PASD1: variants seen among roughly 807,000 people sequenced by gnomAD.
The protein encoded by PASD1 is PAS domain containing repressor 1.
A neutral mutation model predicts 58.8 loss-of-function variants in PASD1; 13 were observed. The ratio of observed to expected loss-of-function variants is 0.22; its 90% CI spans 0.14 to 0.35. The LOEUF (loss-of-function observed/expected upper bound fraction) is 0.35, where lower values mean the gene tolerates loss of function less well. Ranked by LOEUF, PASD1 falls within the 10% of genes least tolerant of loss-of-function variation. The pLI, the probability that PASD1 is intolerant of heterozygous loss-of-function variation, is 1.00. For synonymous variants in PASD1, 236 were observed against 216.7 expected (o/e 1.09, Z -0.78); for missense variants, 734 against 568.3 (o/e 1.29, Z -2.96).
chrX:151,625,051 C>A (rs1302415351), intron 7 of PASD1, among the ~76,000 whole-genome samples: 1 of 112,143 alleles, frequency 8.9e-6, no homozygotes, highest in African/African-American at 3.2e-5. Flanking sequence ...GCACAAGGAA[C>A]TCTATTTGTG....
At chrX:151,604,614 CT>C in intron 2 of PASD1, 31 bp from the exon 3 acceptor site, 1 of 1,040,907 alleles carries the variant, frequency 9.6e-7, no homozygotes, top group East Asian at 3.0e-5. Flanking sequence ...TAATGTGACA[CT>C]GTTCTGTACT....
intron 1 of PASD1, among the ~76,000 whole-genome samples, chrX:151,574,236 A>G (rs889395466): frequency 8.9e-6 from 1 of 112,448 alleles, no homozygotes; most frequent in Admixed American, 9.4e-5. Flanking sequence ...TTCTTGCCAG[A>G]TGCTCCTTGG....
intron 1 of PASD1, among the ~76,000 whole-genome samples, chrX:151,581,226 T>TAAAAAAAAAAAAAAAAAAAA (rs2013086264): frequency 5.0e-4 from 1 of 2,013 alleles, no homozygotes. Flanking sequence ...AAGCTCTGTA[T>TAAAAAAAAAAAAAAAAAAAA]CAAAAAAAAA....
rs1164111379 is a variant in PASD1, at chrX:151,676,238, C to T, written c.*95C>T. The T allele has an allele frequency of 4.6e-5, 44 of 955,914 alleles. No homozygotes were observed. The highest frequency in any genetic ancestry group is 1.5e-4 in the South Asian group (6 of 38,900). The allele number at this position is 955,914 out of a possible 1,213,427, so 78.8% of individuals were successfully genotyped here. ...GGGGACCTTCAAGGTGCGTAAAGTC[C>T]CTTGGGGTAGGGTTTAGTGGGTAGA... On this transcript the variant is annotated 3_prime_UTR_variant, in exon 16 of 16. Coordinates refer to ENST00000370357, the MANE Select transcript of PASD1 (RefSeq NM_173493.3).
chrX:151,651,177 T>C (rs974602820), intron 9 of PASD1, among the ~76,000 whole-genome samples: 1 of 111,823 alleles, frequency 8.9e-6, no homozygotes, highest in African/African-American at 3.3e-5. Context: ...TAGAAATGTC[T>C]TGCATCAGGT....
chrX:151,667,299 A>T (rs1422017418), intron 11 of PASD1, among the ~76,000 whole-genome samples: 1 of 111,842 alleles, frequency 8.9e-6, no homozygotes, highest in East Asian at 2.8e-4. Flanking sequence ...TCAGATGAGT[A>T]GATTGCAAAA....
At chrX:151,572,573 T>C (rs1414015804) in intron 1 of PASD1, among the ~76,000 whole-genome samples, 1 of 111,825 alleles carries the variant, frequency 8.9e-6, no homozygotes, top group Non-Finnish European at 1.9e-5. Context: ...TTTCTGTTCA[T>C]TTATATATGA....
chrX:151,667,144 A>T (rs1158495549), intron 11 of PASD1, among the ~76,000 whole-genome samples: 9 of 112,104 alleles, frequency 8.0e-5, no homozygotes, highest in South Asian at 3.7e-4. Flanking sequence ...AGTGATGCTG[A>T]GCATTTTTTC....
intron 1 of PASD1, 122 bp downstream of exon 1, chrX:151,563,961 C>T (rs1028638635): frequency 2.7e-5 from 3 of 112,556 alleles, no homozygotes; most frequent in Admixed American, 1.9e-4. Flanking sequence ...GAGACATTCC[C>T]TGCAGGACCC....
chrX:151,640,880 G>A (rs1434730601), intron 8 of PASD1, among the ~76,000 whole-genome samples: 1 of 111,845 alleles, frequency 8.9e-6, no homozygotes, highest in East Asian at 2.8e-4. Flanking sequence ...ACACTGCTCA[G>A]AGGAAGCCAA....
intron 1 of PASD1, among the ~76,000 whole-genome samples, chrX:151,569,114 T>C (rs764526332): frequency 5.4e-5 from 6 of 111,903 alleles, no homozygotes; most frequent in Middle Eastern, 4.6e-3. Context: ...GTATATTTTG[T>C]TGGCTTGCTC....
Position 151,676,316 on chromosome X carries a change from C to CAGT in PASD1, c.*173_*174insAGT. 1 of 492,227 alleles carries CAGT rather than the reference C, an allele frequency of 2.0e-6. No individual in the cohort carries two copies. Among genetic ancestry groups the CAGT allele is most frequent in the Non-Finnish European group, 3.1e-6 (1 of 319,050 alleles). 40.6% of individuals were successfully genotyped at this position (492,227 alleles called of 1,213,427 possible). A position where few individuals can be genotyped will look rare whatever the true frequency, so the allele number is the denominator to read the frequency against. On this transcript the variant is annotated 3_prime_UTR_variant, in exon 16 of 16. Coordinates refer to ENST00000370357, the MANE Select transcript of PASD1 (RefSeq NM_173493.3). ...TTTGTAATTGTTTGTTAAGCACAGCCTGTTTCTTGGAAGTTATGCTGTAGA... is the reference window on the plus strand; with the variant it reads ...TTTGTAATTGTTTGTTAAGCACAGCCAGTTGTTTCTTGGAAGTTATGCTGTAGA...
chrX:151,671,099 A>T lies in PASD1; in HGVS notation c.1133A>T (p.Lys378Met), dbSNP rs1304180763. The change falls in exon 12 of 16, where the codon AAG (lysine) becomes ATG (methionine). Residue 378 changes from lysine to methionine, a missense_variant. By Grantham distance (95) the Lys-to-Met change is moderately conservative (BLOSUM62 -1). Transcript: ENST00000370357. Reference protein sequence around the residue: ...DIISQELELMKKLKEQLEERT... With the variant: ...DIISQELELMMKLKEQLEERT... ...ATTAGCCAGGAACTGGAACTGATGAAGAAGTTGAAGGAGCAGCTAGAAGAG... is the reference window on the plus strand; with the variant it reads ...ATTAGCCAGGAACTGGAACTGATGATGAAGTTGAAGGAGCAGCTAGAAGAG... 2 of 1,210,092 alleles carry T rather than the reference A, an allele frequency of 1.7e-6. No homozygotes were observed. Among genetic ancestry groups the T allele is most frequent in the East Asian group, 3.0e-5 (1 of 33,755 alleles).
rs1315856668 is a variant in PASD1, at chrX:151,672,620, T to C, written c.1875T>C (p.Tyr625=). ...CTGAACAACAGCCCTCTGGCTTCTA[T>C]CAAGATGAAAACTGTGGGCAACAGG... is the stretch of plus-strand genomic sequence containing the variant. ...RAAEQQPSGF[Y]QDENCGQQED... is the part of the protein sequence containing the mutation. The change falls in exon 14 of 16, where the codon TAT becomes TAC. Residue 625 remains tyrosine (Y), a synonymous_variant. Coordinates refer to ENST00000370357, the MANE Select transcript of PASD1 (RefSeq NM_173493.3). 8.3e-7 allele frequency: 1 copy of C among 1,212,028 alleles called. No individual in the cohort carries two copies. The highest frequency in any genetic ancestry group is 2.2e-5 in the Admixed American group (1 of 46,088).
At chrX:151,672,770 G>T in intron 14 of PASD1, 109 bp downstream of exon 14, 1 of 1,105,038 alleles carries the variant, frequency 9.0e-7, no homozygotes, top group Non-Finnish European at 1.2e-6. Flanking sequence ...TGGCACCAGC[G>T]TCCCTCTCAT....
intron 1 of PASD1, among the ~76,000 whole-genome samples, chrX:151,593,814 C>T (rs1401825156): frequency 1.8e-5 from 2 of 111,366 alleles, no homozygotes; most frequent in Non-Finnish European, 3.8e-5. Context: ...CTTGAGGAAT[C>T]ATCACACTGT....
chrX:151,568,097 C>T (rs930174665), intron 1 of PASD1, among the ~76,000 whole-genome samples: 1 of 112,290 alleles, frequency 8.9e-6, no homozygotes, highest in South Asian at 3.7e-4. Flanking sequence ...TTTACATTTG[C>T]CCCTTGTCCT....
intron 1 of PASD1, among the ~76,000 whole-genome samples, chrX:151,594,854 A>T (rs1309684551): frequency 9.1e-6 from 1 of 110,412 alleles, no homozygotes; most frequent in African/African-American, 3.3e-5. Flanking sequence ...CTTCTTTCAG[A>T]TTTTGTTCAC....
chrX:151,574,798 C>T (rs1158715629), intron 1 of PASD1, among the ~76,000 whole-genome samples: 1 of 111,712 alleles, frequency 9.0e-6, no homozygotes, highest in Non-Finnish European at 1.9e-5. Flanking sequence ...TTTTGAACAT[C>T]AACACTTACA....
Sources: gnomAD v4.1 joint callset for allele counts (sites outside exome capture counted in the v4.1 genomes callset) on GRCh38, gnomAD v4.1.1 for gene constraint, MANE v1.5 for transcripts, NCBI Gene and HGNC (gene_info 2026-07-23, HGNC 2026-07-21) for gene names.